Variants in CDH1 observed in about 807,000 individuals in gnomAD.
CDH1 encodes the protein cadherin 1, also known as cadherin-1.
Under a neutral mutation model 84.5 loss-of-function variants are expected in CDH1, and 35 were observed. The observed-to-expected ratio is 0.41, with a 90% CI of 0.32 to 0.55. The LOEUF (loss-of-function observed/expected upper bound fraction) is 0.55, where lower values mean the gene tolerates loss of function less well. CDH1 is among the 20% of genes least tolerant of loss of function. The pLI is 0.19. For missense variants in CDH1, 994 were observed against 1,126.6 expected, an observed-to-expected ratio of 0.88 and a Z score of 1.68; for synonymous variants, 417 against 439.0, an observed-to-expected ratio of 0.95 and a Z score of 0.63.
chr16:68,812,207 G>A lies in CDH1; in HGVS notation c.1081G>A (p.Ala361Thr), dbSNP rs2152132621. 1 of 1,614,138 alleles carries A rather than the reference G, an allele frequency of 6.2e-7. No homozygotes were observed. The highest frequency in any genetic ancestry group is 8.5e-7 in the Non-Finnish European group (1 of 1,179,974). Residue 361 changes from alanine (A) to threonine (T), a missense_variant, in exon 8 of 16, where the codon GCT (alanine) becomes ACT (threonine). Transcript: ENST00000261769. ...QGEGLSTTAT[A>T]VITVTDTNDN... ...TGAGGGGTTAAGCACAACAGCAACA[G>A]CTGTGATCACAGTCACTGACACCAA... is the stretch of plus-strand genomic sequence containing the variant.
At chr16:68,769,883 T>C (rs1959506803) in intron 2 of CDH1, among the ~76,000 whole-genome samples, 1 of 151,964 alleles carries the variant, frequency 6.6e-6, no homozygotes, top group South Asian at 2.1e-4. Flanking sequence ...TTTCACCGTG[T>C]TAGCCAGGAT....
intron 2 of CDH1, among the ~76,000 whole-genome samples, chr16:68,741,321 A>G (rs1786456291): frequency 6.6e-6 from 1 of 152,052 alleles, no homozygotes; most frequent in African/African-American, 2.4e-5. Flanking sequence ...CACACGTTCA[A>G]TCTGAGGAAC....
intron 13 of CDH1, among the ~76,000 whole-genome samples, chr16:68,825,274 G>A (rs1169268818): frequency 6.6e-6 from 1 of 152,102 alleles, no homozygotes; most frequent in Non-Finnish European, 1.5e-5. Context: ...AGGCCACAGG[G>A]GCTGGTAGAA....
intron 2 of CDH1, among the ~76,000 whole-genome samples, chr16:68,781,782 C>A (rs553299959): frequency 6.6e-6 from 1 of 152,146 alleles, no homozygotes; most frequent in Non-Finnish European, 1.5e-5. Context: ...CTCAGTATAT[C>A]TTTAATCCCT....
chr16:68,745,549 A>ATATATATATATATATGTATAT (rs1285099283), intron 2 of CDH1, among the ~76,000 whole-genome samples: 2 of 75,190 alleles, frequency 2.7e-5, no homozygotes, highest in African/African-American at 5.5e-5. Flanking sequence ...AAAAAAAAAA[A>ATATATATATATATATGTATAT]ATATATATAT....
intron 2 of CDH1, among the ~76,000 whole-genome samples, chr16:68,775,062 G>C (rs1488643334): frequency 2.0e-5 from 3 of 151,276 alleles, no homozygotes; most frequent in Admixed American, 2.0e-4. Flanking sequence ...GGAGGTCCAG[G>C]GTGCAATGAG....
chr16:68,793,226 C>T (rs944123854), intron 2 of CDH1, among the ~76,000 whole-genome samples: 4 of 152,146 alleles, frequency 2.6e-5, no homozygotes, highest in Non-Finnish European at 4.4e-5. Context: ...CTTATTTCAG[C>T]TTATGCAAAG....
At chr16:68,771,032 C>CT in intron 2 of CDH1, 1 of 152,002 alleles carries the variant, frequency 6.6e-6, no homozygotes, top group Non-Finnish European at 1.5e-5. Context: ...GAGGCTCTCC[C>CT]GTCTTTTGGA....
In CDH1 at chr16:68,789,048, C is replaced by T. The variant is rs116608345; in HGVS notation, c.164-12622C>T. ...TAAAAGAAAGTTGGACAGGAAGATC[C>T]GTTCTCACTGTGTCACCCAAGCTGG... On this transcript the variant is annotated intron_variant, in intron 2 of 15. Transcript: ENST00000261769. Among the ~76,000 whole-genome samples the T allele has an allele frequency of 2.0e-3, 308 of 151,964 alleles. 2 individuals carry two copies. Among genetic ancestry groups the T allele is most frequent in the African/African-American group, 7.1e-3 (295 of 41,462 alleles).
chr16:68,810,360 ATC>A lies in CDH1; in HGVS notation c.832+21_832+22del, dbSNP rs1302486551. On this transcript the variant is annotated intron_variant, in intron 6 of 15. Coordinates refer to ENST00000261769, the MANE Select transcript of CDH1 (RefSeq NM_004360.5). ...CTTCCAGGTATATCCACTAATGAGA[ATC>A]TGAATACTCAGAAAGACTCTTAGGT... is the stretch of plus-strand genomic sequence containing the variant. 2 of 1,611,494 alleles carry A rather than the reference ATC, an allele frequency of 1.2e-6. No homozygotes were observed. The highest frequency in any genetic ancestry group is 2.2e-5 in the South Asian group (2 of 91,020).
chr16:68,738,186 C>T (rs1962450720), intron 1 of CDH1, 111 bp from the exon 2 acceptor site: 7 of 716,668 alleles, frequency 9.8e-6, no homozygotes, highest in Non-Finnish European at 1.7e-5. Flanking sequence ...GGGCTGGGGT[C>T]CTCCCCCAAT....
intron 2 of CDH1, among the ~76,000 whole-genome samples, chr16:68,785,565 C>A (rs1007047348): frequency 3.3e-5 from 5 of 152,180 alleles, no homozygotes; most frequent in African/African-American, 1.2e-4. Context: ...ACTCAAACTC[C>A]TGGGTTTAAG....
chr16:68,793,494 G>C (rs1960267268), intron 2 of CDH1, among the ~76,000 whole-genome samples: 1 of 151,480 alleles, frequency 6.6e-6, no homozygotes, highest in Non-Finnish European at 1.5e-5. Flanking sequence ...TAACAGACAG[G>C]CTGCCTGGTG....
At chr16:68,777,078 T>C (rs747851111) in intron 2 of CDH1, among the ~76,000 whole-genome samples, 38 of 152,196 alleles carry the variant, frequency 2.5e-4, no homozygotes, top group Non-Finnish European at 8.8e-5. Flanking sequence ...AAGCCTCATA[T>C]CATGAACTGG....
In CDH1 at chr16:68,823,515, G is replaced by A. The variant is rs550612843; in HGVS notation, c.2053G>A (p.Val685Met). 1.5e-5 allele frequency: 24 copies of A among 1,613,720 alleles called. 1 individual carries two copies. The highest frequency in any genetic ancestry group is 1.3e-4 in the Admixed American group (8 of 60,000). The change falls in exon 13 of 16, where the codon GTG (valine) becomes ATG (methionine). Residue 685 changes from valine (V) to methionine (M), a missense_variant. Coordinates refer to ENST00000261769, the MANE Select transcript of CDH1 (RefSeq NM_004360.5). ...CCAAGTGACCACCTTAGAGGTCAGC[G>A]TGTGTGACTGTGAAGGGGCCGCTGG... ...KDQVTTLEVS[V>M]CDCEGAAGVC...
chr16:68,743,281 CTCTTTCTTTCTT>C (rs751271382), intron 2 of CDH1, among the ~76,000 whole-genome samples: 1,763 of 135,654 alleles, frequency 0.013, 152 homozygotes, highest in East Asian at 0.025. Context: ...CTTGCTGGGT[CTCTTTCTTTCTT>C]TCTTTCTTTC....
intron 2 of CDH1, among the ~76,000 whole-genome samples, chr16:68,796,964 C>G (rs1243046641): frequency 6.6e-6 from 1 of 151,798 alleles, no homozygotes; most frequent in Non-Finnish European, 1.5e-5. Flanking sequence ...GTGGCAAAAC[C>G]CCATCTAGTC....
intron 2 of CDH1, among the ~76,000 whole-genome samples, chr16:68,782,123 G>T (rs1343440336): frequency 6.6e-6 from 1 of 152,120 alleles, no homozygotes; most frequent in African/African-American, 2.4e-5. Flanking sequence ...CAAGTTCAGG[G>T]CTTCCTTCTG....
rs1597892587 is a variant in CDH1, at chr16:68,810,332, G to A, written c.823G>A (p.Ala275Thr). Reference protein sequence around the residue: ...EVFKGSVMEGALPGTSVMEVT... With the variant: ...EVFKGSVMEGTLPGTSVMEVT... Reference sequence around the variant, plus strand: ...CTTTAAGGGGTCTGTCATGGAAGGTGCTCTTCCAGGTATATCCACTAATGA... The same window carrying A: ...CTTTAAGGGGTCTGTCATGGAAGGTACTCTTCCAGGTATATCCACTAATGA... Residue 275 changes from alanine (A) to threonine (T), a missense_variant, in exon 6 of 16, where the codon GCT becomes ACT. Transcript: ENST00000261769. The A allele has an allele frequency of 3.1e-6, 5 of 1,613,358 alleles. No homozygotes were observed. Among genetic ancestry groups the A allele is most frequent in the Non-Finnish European group, 4.2e-6 (5 of 1,179,302 alleles).
Sources: gnomAD v4.1 joint callset for allele counts (sites outside exome capture counted in the v4.1 genomes callset) on GRCh38, gnomAD v4.1.1 for gene constraint, MANE v1.5 for transcripts, NCBI Gene and HGNC (gene_info 2026-07-23, HGNC 2026-07-21) for gene names.